STXBP4: variants seen among roughly 807,000 people sequenced by gnomAD.
STXBP4 encodes syntaxin-binding protein 4.
In STXBP4, 55 loss-of-function variants were observed where a neutral mutation model predicts 76.1. The ratio of observed to expected loss-of-function variants is 0.72; its 90% CI spans 0.58 to 0.91. The LOEUF (loss-of-function observed/expected upper bound fraction) is 0.91, where lower values mean the gene tolerates loss of function less well. Among genes scored for constraint, STXBP4 ranks in the 40% least tolerant of loss-of-function variants. The probability of loss-of-function intolerance (pLI) is 0.00; values close to 1 mark genes in which losing one functional copy is unlikely to be tolerated. For synonymous variants in STXBP4, 201 were observed against 220.2 expected (o/e 0.91, Z 0.77); for missense variants, 618 against 636.9 (o/e 0.97, Z 0.32).
intron 16 of STXBP4, among the ~76,000 whole-genome samples, chr17:55,109,864 C>G (rs1307796629): frequency 6.6e-6 from 1 of 152,096 alleles, no homozygotes; most frequent in Admixed American, 6.6e-5. Flanking sequence ...GTTTTGAACT[C>G]CTGGCCTCAA....
At chr17:54,979,590 C>T (rs1333375095) in intron 1 of STXBP4, among the ~76,000 whole-genome samples, 1 of 152,196 alleles carries the variant, frequency 6.6e-6, no homozygotes, top group African/African-American at 2.4e-5. Context: ...AATCAGTCTA[C>T]AGCCATACCA....
intron 7 of STXBP4, among the ~76,000 whole-genome samples, chr17:55,006,989 T>TA (rs1373907013): frequency 4.6e-5 from 7 of 152,198 alleles, no homozygotes; most frequent in African/African-American, 1.7e-4. Context: ...TGCCTACTCT[T>TA]ATATCTTAGG....
intron 8 of STXBP4, among the ~76,000 whole-genome samples, chr17:55,013,342 C>T (rs1187931818): frequency 6.6e-6 from 1 of 152,238 alleles, no homozygotes; most frequent in East Asian, 1.9e-4. Flanking sequence ...TGGAAAGCCA[C>T]TTTTGCTTCA....
At chr17:54,999,291 A>T (rs539956663) in intron 4 of STXBP4, 54 bp from the exon 5 acceptor site, 5 of 1,403,026 alleles carry the variant, frequency 3.6e-6, no homozygotes, top group African/African-American at 1.5e-5. Flanking sequence ...ACATCAATTA[A>T]TTTTTTTTTA....
intron 1 of STXBP4, among the ~76,000 whole-genome samples, chr17:54,974,837 T>G (rs975819352): frequency 1.7e-5 from 1 of 59,438 alleles, no homozygotes; most frequent in South Asian, 3.9e-4. Context: ...AGAGGCAGTT[T>G]TGCAAACTCA....
chr17:54,986,015 A>G, intron 2 of STXBP4, 127 bp from the exon 3 acceptor site: 1 of 556,682 alleles, frequency 1.8e-6, no homozygotes, highest in South Asian at 2.5e-5. Flanking sequence ...CATACAATAC[A>G]TCTAACATCT....
Position 55,073,062 on chromosome 17 carries a change from T to A in STXBP4, c.1174T>A (p.Ser392Thr). 6.2e-7 allele frequency: 1 copy of A among 1,613,670 alleles called. No individual in the cohort carries two copies. The highest frequency in any genetic ancestry group is 8.5e-7 in the Non-Finnish European group (1 of 1,179,814). ...TELKAQLADYSDQNKESVQDL... is the reference protein window; with the variant it reads ...TELKAQLADYTDQNKESVQDL... ...GCTAAAGGCTCAGCTTGCTGATTAT[T>A]CTGACCAAAATAAAGTAAGCAAAGC... is the stretch of plus-strand genomic sequence containing the variant. Residue 392 changes from serine to threonine, a missense_variant, in exon 13 of 18, where the codon TCT becomes ACT. Physicochemically the swap from Ser to Thr is moderately conservative, Grantham distance 58. Coordinates refer to ENST00000376352, the MANE Select transcript of STXBP4 (RefSeq NM_178509.6).
chr17:55,117,188 T>A (rs188537949), intron 16 of STXBP4, among the ~76,000 whole-genome samples: 263 of 151,946 alleles, frequency 1.7e-3, no homozygotes, highest in South Asian at 0.016. Flanking sequence ...ATTTTTTTAA[T>A]CTATTGTCTC....
intron 12 of STXBP4, among the ~76,000 whole-genome samples, chr17:55,060,623 C>T (rs1279977475): frequency 6.6e-6 from 1 of 152,116 alleles, no homozygotes; most frequent in Non-Finnish European, 1.5e-5. Context: ...AGGATAGCTA[C>T]CAGAATACCT....
chr17:55,203,842 C>CT, the STXBP4 span, among the ~76,000 whole-genome samples: 1 of 151,980 alleles, frequency 6.6e-6, no homozygotes, highest in Non-Finnish European at 1.5e-5. Flanking sequence ...TGAAGGTGAT[C>CT]TTTTTTTTCT....
intron 7 of STXBP4, among the ~76,000 whole-genome samples, chr17:55,001,571 T>G (rs932032024): frequency 6.6e-6 from 1 of 152,186 alleles, no homozygotes; most frequent in African/African-American, 2.4e-5. Flanking sequence ...TATATATGCC[T>G]AATTATAAGG....
chr17:55,030,223 A>G (rs1034553303), intron 8 of STXBP4, among the ~76,000 whole-genome samples: 7 of 152,282 alleles, frequency 4.6e-5, no homozygotes, highest in East Asian at 3.9e-4. Flanking sequence ...CCATGTTCCA[A>G]TTATCTTTCT....
chr17:54,972,634 A>G (rs2077416992), intron 1 of STXBP4, among the ~76,000 whole-genome samples: 2 of 152,040 alleles, frequency 1.3e-5, no homozygotes, highest in Admixed American at 6.5e-5. Flanking sequence ...CTTATCTTGT[A>G]TTTTCCTGAC....
At chr17:55,031,890 G>C (rs147220923) in intron 9 of STXBP4, among the ~76,000 whole-genome samples, 1 of 151,898 alleles carries the variant, frequency 6.6e-6, no homozygotes, top group African/African-American at 2.4e-5. Context: ...GTTGTTCAGG[G>C]GTCAACTCTA....
intron 17 of STXBP4, among the ~76,000 whole-genome samples, chr17:55,150,356 A>G (rs1344820814): frequency 6.6e-6 from 1 of 152,096 alleles, no homozygotes; most frequent in African/African-American, 2.4e-5. Flanking sequence ...CTTTGTACAC[A>G]GAGAGAGAGA....
intron 17 of STXBP4, among the ~76,000 whole-genome samples, chr17:55,142,865 G>C (rs2080109903): frequency 6.6e-6 from 1 of 152,122 alleles, no homozygotes; most frequent in Non-Finnish European, 1.5e-5. Context: ...TCCATGTGCA[G>C]ATTACATTTA....
At chr17:55,010,802 G>A (rs968856283) in intron 8 of STXBP4, among the ~76,000 whole-genome samples, 1 of 152,106 alleles carries the variant, frequency 6.6e-6, no homozygotes, top group South Asian at 2.1e-4. Flanking sequence ...AGGCTGAAAG[G>A]TGTGTGACTA....
At chr17:54,973,963 T>G (rs1209095148) in intron 1 of STXBP4, among the ~76,000 whole-genome samples, 1 of 152,244 alleles carries the variant, frequency 6.6e-6, no homozygotes, top group Non-Finnish European at 1.5e-5. Flanking sequence ...ATTTTTCATA[T>G]AAGCCATTTT....
rs143566632 is a variant in STXBP4 at position 55,054,608 on chromosome 17, T to C, written c.1011+7454T>C. Among the ~76,000 whole-genome samples, 1,390 of 152,326 alleles carry C rather than the reference T, an allele frequency of 9.1e-3. 24 individuals are homozygous for C. The highest frequency in any genetic ancestry group is 0.031 in the African/African-American group (1,281 of 41,570). On this transcript the variant is annotated intron_variant, in intron 12 of 17. Coordinates refer to ENST00000376352, the MANE Select transcript of STXBP4 (RefSeq NM_178509.6). ...CTGCTCCTTGCTAGCTTTTGACCTT[T>C]GTCAAACTACTTCACCTTTATGGGT... is the stretch of plus-strand genomic sequence containing the variant.
Sources: allele counts gnomAD v4.1 joint callset (sites outside exome capture counted in the v4.1 genomes callset), GRCh38; gene constraint gnomAD v4.1.1; transcripts MANE v1.5; gene names NCBI Gene and HGNC (gene_info 2026-07-23, HGNC 2026-07-21).